CABCOCO1: variants seen among roughly 807,000 people sequenced by gnomAD.
CABCOCO1 encodes the protein ciliary-associated calcium-binding coiled-coil protein 1.
Under a neutral mutation model 35.7 loss-of-function variants are expected in CABCOCO1, and 28 were observed. The ratio of observed to expected loss-of-function variants is 0.78; its 90% CI spans 0.58 to 1.07. The LOEUF (loss-of-function observed/expected upper bound fraction) is 1.07, where lower values mean the gene tolerates loss of function less well. Among genes scored for constraint, CABCOCO1 ranks in the 50% least tolerant of loss-of-function variants. CABCOCO1 has a pLI of 0.00. For synonymous variants in CABCOCO1, 95 were observed against 100.1 expected, an observed-to-expected ratio of 0.95 and a Z score of 0.30; for missense variants, 326 against 309.2, an observed-to-expected ratio of 1.05 and a Z score of -0.41.
intron 5 of CABCOCO1, among the ~76,000 whole-genome samples, chr10:61,717,885 A>C (rs992018685): frequency 6.6e-6 from 1 of 152,250 alleles, no homozygotes; most frequent in Admixed American, 6.5e-5. Context: ...AAGCAAGGGC[A>C]TAGAGACAAG....
At chr10:61,706,923 C>T (rs369928839) in intron 5 of CABCOCO1, among the ~76,000 whole-genome samples, 1 of 152,120 alleles carries the variant, frequency 6.6e-6, no homozygotes, top group African/African-American at 2.4e-5. Flanking sequence ...AGATAGGATG[C>T]TGTGCCATCC....
At chr10:61,748,353 C>A (rs1841709838) in intron 5 of CABCOCO1, among the ~76,000 whole-genome samples, 1 of 152,188 alleles carries the variant, frequency 6.6e-6, no homozygotes, top group Non-Finnish European at 1.5e-5. Context: ...ACAAAACAGA[C>A]CAAGTCCTTA....
chr10:61,750,379 C>A (rs909676909), intron 5 of CABCOCO1, among the ~76,000 whole-genome samples: 1 of 152,174 alleles, frequency 6.6e-6, no homozygotes, highest in African/African-American at 2.4e-5. Flanking sequence ...AGTTCAAGAC[C>A]AGCCTGGCCA....
At chr10:61,680,605 TA>T (rs1839718520) in intron 2 of CABCOCO1, among the ~76,000 whole-genome samples, 2 of 17,406 alleles carry the variant, frequency 1.1e-4, no homozygotes, top group Non-Finnish European at 2.5e-4. Context: ...TATACATGTA[TA>T]ACATGTTATA....
chr10:61,713,268 A>G (rs1205045693), intron 5 of CABCOCO1, among the ~76,000 whole-genome samples: 1 of 152,140 alleles, frequency 6.6e-6, no homozygotes. Flanking sequence ...CTTTGTAGCA[A>G]TTGTGAATGG....
chr10:61,717,363 A>G (rs1226699304), intron 5 of CABCOCO1, among the ~76,000 whole-genome samples: 1 of 152,120 alleles, frequency 6.6e-6, no homozygotes, highest in Admixed American at 6.5e-5. Context: ...AAATAAATAC[A>G]TCAATTTTCT....
chr10:61,758,990 G>C (rs72831345), intron 5 of CABCOCO1, among the ~76,000 whole-genome samples: 2 of 151,818 alleles, frequency 1.3e-5, no homozygotes, highest in African/African-American at 2.4e-5. Context: ...AAAAATGAAT[G>C]CATTATTATT....
chr10:61,697,258 G>T (rs1166740017), intron 5 of CABCOCO1, among the ~76,000 whole-genome samples: 1 of 151,946 alleles, frequency 6.6e-6, no homozygotes. Flanking sequence ...AAATCAGAAG[G>T]GAAATACTTT....
At chr10:61,730,608 T>C (rs932283245) in intron 5 of CABCOCO1, among the ~76,000 whole-genome samples, 1 of 152,064 alleles carries the variant, frequency 6.6e-6, no homozygotes, top group Non-Finnish European at 1.5e-5. Flanking sequence ...GAATCAAATA[T>C]TTAAAGCGTG....
intron 5 of CABCOCO1, among the ~76,000 whole-genome samples, chr10:61,735,923 T>C (rs917078103): frequency 2.0e-5 from 3 of 152,172 alleles, no homozygotes; most frequent in African/African-American, 7.2e-5. Context: ...TATTGAACTT[T>C]TTTTCACATG....
chr10:61,708,193 A>T (rs1432600121), intron 5 of CABCOCO1, among the ~76,000 whole-genome samples: 1 of 151,032 alleles, frequency 6.6e-6, no homozygotes, highest in Non-Finnish European at 1.5e-5. Flanking sequence ...GACGCATACC[A>T]GATCCTAACT....
chr10:61,730,517 T>A (rs1287858944), intron 5 of CABCOCO1, among the ~76,000 whole-genome samples: 1 of 152,100 alleles, frequency 6.6e-6, no homozygotes, highest in Admixed American at 6.6e-5. Context: ...TTGAATATTG[T>A]CATTTAGTAA....
At chr10:61,754,722 T>C (rs1841861040) in intron 5 of CABCOCO1, among the ~76,000 whole-genome samples, 1 of 152,160 alleles carries the variant, frequency 6.6e-6, no homozygotes, top group Non-Finnish European at 1.5e-5. Context: ...AAATTTCTCC[T>C]TGCAGCTTCA....
chr10:61,687,176 T>C (rs1839990400), intron 4 of CABCOCO1, among the ~76,000 whole-genome samples: 1 of 152,220 alleles, frequency 6.6e-6, no homozygotes, highest in Non-Finnish European at 1.5e-5. Flanking sequence ...TATGATATAC[T>C]ATGGTTTTTA....
chr10:61,721,695 T>C (rs1841026052), intron 5 of CABCOCO1, among the ~76,000 whole-genome samples: 1 of 152,174 alleles, frequency 6.6e-6, no homozygotes, highest in African/African-American at 2.4e-5. Context: ...ACCATTTTAC[T>C]TCCTGCTTGT....
At chr10:61,722,812 AAGG>A (rs149663735) in intron 5 of CABCOCO1, among the ~76,000 whole-genome samples, 2,261 of 152,268 alleles carry the variant, frequency 0.015, 34 homozygotes, top group Non-Finnish European at 0.023. Context: ...AATGTGGTTG[AAGG>A]AGAAGTAAAA....
Position 61,736,294 on chromosome 10 carries a change from A to G in CABCOCO1, c.553-23765A>G, listed in dbSNP as rs564472737. 7.1e-4 allele frequency among the ~76,000 whole-genome samples: 108 copies of G among 152,254 alleles called. 1 individual carries two copies. Among genetic ancestry groups the G allele is most frequent in the South Asian group, 4.6e-3 (22 of 4,824 alleles). The stretch of plus-strand genomic sequence containing the variant: ...TTTGGGTTTTACATTTAAGTCTTCA[A>G]TTCATCTTGAGTTGACTTTTATATA... On this transcript the variant is annotated intron_variant, in intron 5 of 7. Coordinates refer to ENST00000648843, the MANE Select transcript of CABCOCO1 (RefSeq NM_001366906.2).
At chr10:61,684,179 A>T (rs1230633017) in intron 3 of CABCOCO1, among the ~76,000 whole-genome samples, 2 of 152,210 alleles carry the variant, frequency 1.3e-5, no homozygotes, top group Non-Finnish European at 2.9e-5. Flanking sequence ...AGTTATCCAG[A>T]AATAATTCAG....
In CABCOCO1 at chr10:61,680,652, T is replaced by TGTTATACATGTATAACATATA. The variant is rs1396683471; in HGVS notation, c.165-491_165-490insGTTATACATGTATAACATATA. The stretch of plus-strand genomic sequence containing the variant: ...ACATGTTATACATATATAATATATA[T>TGTTATACATGTATAACATATA]TATGTTATACATGTATAACATATAT... On this transcript the variant is annotated intron_variant, in intron 2 of 7. Coordinates refer to ENST00000648843, the MANE Select transcript of CABCOCO1 (RefSeq NM_001366906.2). Among the ~76,000 whole-genome samples the TGTTATACATGTATAACATATA allele has an allele frequency of 6.6e-4, 25 of 38,068 alleles. 2 individuals are homozygous for TGTTATACATGTATAACATATA. The South Asian group carries it at 9.4e-3, about 14-fold the overall frequency. The allele number at this position is 38,068 out of a possible 152,430, so 25.0% of individuals were successfully genotyped here.
Sources: gnomAD v4.1 joint callset for allele counts (sites outside exome capture counted in the v4.1 genomes callset) on GRCh38, gnomAD v4.1.1 for gene constraint, MANE v1.5 for transcripts, NCBI Gene and HGNC (gene_info 2026-07-23, HGNC 2026-07-21) for gene names.